Variants in APELA observed in about 807,000 individuals in gnomAD.
APELA encodes the protein apelin receptor early endogenous ligand.
chr4:164,883,445 C>T lies in APELA; in HGVS notation c.*1+4436C>T, dbSNP rs561693194. Among the ~76,000 whole-genome samples, 256 of 151,636 alleles carry T rather than the reference C, an allele frequency of 1.7e-3. 1 individual carries two copies. Among genetic ancestry groups the T allele is most frequent in the Non-Finnish European group, 1.1e-3 (78 of 67,892 alleles). ...CTCGCCCTCAAACTACAGACATCTACATCTACAATGCTTCTTTTATGTTCC... is the reference window on the plus strand; with the variant it reads ...CTCGCCCTCAAACTACAGACATCTATATCTACAATGCTTCTTTTATGTTCC... On this transcript the variant is annotated intron_variant, in intron 2 of 2. Transcript: ENST00000507152.
chr4:164,883,489 T>C (rs1560857712), intron 2 of APELA, among the ~76,000 whole-genome samples: 3 of 144,586 alleles, frequency 2.1e-5, no homozygotes, highest in Non-Finnish European at 3.0e-5. Context: ...TCTTTCTTTT[T>C]CTTTTTTTTT....
At chr4:164,884,926 T>C (rs1013488759) in intron 2 of APELA, among the ~76,000 whole-genome samples, 6 of 152,204 alleles carry the variant, frequency 3.9e-5, no homozygotes, top group African/African-American at 1.4e-4. Context: ...TTAGTTACAA[T>C]AGATATACCC....
rs572992840 is a variant in APELA at position 164,891,584 on chromosome 4, T to C, written c.*2-3832T>C. The stretch of plus-strand genomic sequence containing the variant: ...AACGGAATTTTCTTAATTTCATTTT[T>C]GAATTGTCCATTGCTAATGTATAGG... On this transcript the variant is annotated intron_variant, in intron 2 of 2. Transcript: ENST00000507152. Among the ~76,000 whole-genome samples the C allele has an allele frequency of 1.1e-4, 17 of 152,296 alleles. No homozygotes were observed. In the South Asian group the frequency reaches 3.3e-3, roughly 30 times the overall value.
intron 2 of APELA, among the ~76,000 whole-genome samples, chr4:164,885,074 A>G (rs547410734): frequency 6.6e-6 from 1 of 151,362 alleles, no homozygotes; most frequent in Middle Eastern, 3.4e-3. Flanking sequence ...GGTAGGTTTT[A>G]TTTATCTTTG....
At chr4:164,886,554 G>A (rs1730774289) in intron 2 of APELA, among the ~76,000 whole-genome samples, 2 of 152,194 alleles carry the variant, frequency 1.3e-5, no homozygotes, top group Admixed American at 1.3e-4. Flanking sequence ...GGCTGAGGTG[G>A]GAGGATTGCT....
chr4:164,889,610 G>A (rs1309270876), intron 2 of APELA, among the ~76,000 whole-genome samples: 1 of 151,980 alleles, frequency 6.6e-6, no homozygotes, highest in Non-Finnish European at 1.5e-5. Context: ...GCACAGGTTT[G>A]TTACATAGGT....
At chr4:164,889,055 G>T (rs762604419) in intron 2 of APELA, among the ~76,000 whole-genome samples, 54 of 151,960 alleles carry the variant, frequency 3.6e-4, no homozygotes, top group African/African-American at 1.2e-3. Flanking sequence ...CCAGGCTGGA[G>T]TGCAATGACG....
chr4:164,885,498 T>C lies in APELA; in HGVS notation c.*1+6489T>C, dbSNP rs1185943783. ...GCTCACACCTATAATCCCAGCACTTTGGGAGGTCAAGGTGGGCAGATCGCT... is the reference window on the plus strand; with the variant it reads ...GCTCACACCTATAATCCCAGCACTTCGGGAGGTCAAGGTGGGCAGATCGCT... On this transcript the variant is annotated intron_variant, in intron 2 of 2. Coordinates refer to ENST00000507152, the MANE Select transcript of APELA (RefSeq NM_001297550.2). Among the ~76,000 whole-genome samples the C allele has an allele frequency of 2.0e-5, 3 of 151,248 alleles. No homozygotes were observed. The East Asian group carries it at 6.1e-4, about 31-fold the overall frequency.
intron 2 of APELA, among the ~76,000 whole-genome samples, chr4:164,882,666 T>C (rs1730675831): frequency 1.3e-5 from 2 of 152,184 alleles, no homozygotes; most frequent in Admixed American, 1.3e-4. Flanking sequence ...TACATATGTA[T>C]ACATGTGCTA....
intron 2 of APELA, among the ~76,000 whole-genome samples, chr4:164,891,608 G>A (rs997298045): frequency 3.9e-5 from 6 of 151,998 alleles, no homozygotes; most frequent in Admixed American, 1.3e-4. Context: ...CTAATGTATA[G>A]GCATATGATT....
chr4:164,884,901 A>C (rs757260299), intron 2 of APELA, among the ~76,000 whole-genome samples: 5 of 151,358 alleles, frequency 3.3e-5, no homozygotes, highest in Non-Finnish European at 5.9e-5. Flanking sequence ...ACCTTCTCTG[A>C]TTTTATTACC....
At chr4:164,889,920 G>A (rs999748226) in intron 2 of APELA, among the ~76,000 whole-genome samples, 11 of 152,160 alleles carry the variant, frequency 7.2e-5, no homozygotes, top group Admixed American at 2.0e-4. Context: ...TAAAGTATAC[G>A]GAAGGCTAAG....
At chr4:164,882,435 T>A (rs746850526) in intron 2 of APELA, among the ~76,000 whole-genome samples, 9 of 152,166 alleles carry the variant, frequency 5.9e-5, no homozygotes, top group Non-Finnish European at 1.3e-4. Flanking sequence ...TTGTAATACA[T>A]CTTCATGGTG....
chr4:164,888,212 T>G (rs565155737), intron 2 of APELA, among the ~76,000 whole-genome samples: 27 of 152,122 alleles, frequency 1.8e-4, no homozygotes, highest in Non-Finnish European at 3.4e-4. Flanking sequence ...AGATAACCAC[T>G]CAAATGAATC....
At chr4:164,884,689 T>C (rs974264076) in intron 2 of APELA, among the ~76,000 whole-genome samples, 3 of 152,138 alleles carry the variant, frequency 2.0e-5, no homozygotes, top group Non-Finnish European at 2.9e-5. Flanking sequence ...TCCCTCCACT[T>C]CCAGATCTGT....
At position 164,877,404 on chromosome 4, in the gene APELA, C is replaced by T; in HGVS notation, c.73C>T (p.Pro25Ser). The T allele has an allele frequency of 2.5e-6, 1 of 398,922 alleles. No homozygotes were observed. The highest frequency in any genetic ancestry group is 4.4e-6 in the Non-Finnish European group (1 of 226,024). 24.7% of individuals were successfully genotyped at this position (398,922 alleles called of 1,614,324 possible). A position where few individuals can be genotyped will look rare whatever the true frequency, so the allele number is the denominator to read the frequency against. The change falls in exon 1 of 3, where the codon CCA (proline) becomes TCA (serine). Residue 25 changes from proline (P) to serine (S), a missense_variant. Coordinates refer to ENST00000507152, the MANE Select transcript of APELA (RefSeq NM_001297550.2). ...TCTTCTCCTTATCAGCGGACAGAGA[C>T]CAGGTAGGCCTTTGATACATTTGTA... ...MSLLLISGQR[P>S]VNLTMRRKLR...
At chr4:164,889,181 G>C (rs1381587177) in intron 2 of APELA, among the ~76,000 whole-genome samples, 2 of 147,278 alleles carry the variant, frequency 1.4e-5, no homozygotes, top group East Asian at 2.2e-4. Flanking sequence ...GGTGGGGTGG[G>C]AGTGGGGATG....
intron 1 of APELA, among the ~76,000 whole-genome samples, chr4:164,878,685 C>T (rs1730602467): frequency 6.6e-6 from 1 of 152,134 alleles, no homozygotes; most frequent in Non-Finnish European, 1.5e-5. Context: ...TGCTATGTTG[C>T]TCAACGATGG....
chr4:164,891,389 A>G (rs1295694289), intron 2 of APELA, among the ~76,000 whole-genome samples: 1 of 152,184 alleles, frequency 6.6e-6, no homozygotes, highest in Non-Finnish European at 1.5e-5. Context: ...CTATAGATCA[A>G]TGTAACAAGT....
Sources: allele counts gnomAD v4.1 joint callset (sites outside exome capture counted in the v4.1 genomes callset), GRCh38; gene constraint gnomAD v4.1.1; transcripts MANE v1.5; gene names NCBI Gene and HGNC (gene_info 2026-07-23, HGNC 2026-07-21).